Variants in LRP1B observed in about 807,000 individuals in gnomAD.
LRP1B encodes LDL receptor related protein 1B, also known as low-density lipoprotein receptor-related protein 1B.
In LRP1B, 217 loss-of-function variants were observed where a neutral mutation model predicts 556.6. The observed-to-expected ratio is 0.39, with a 90% CI of 0.35 to 0.44. LRP1B has a LOEUF of 0.44. LRP1B is among the 20% of genes least tolerant of loss of function. LRP1B has a pLI of 1.00. For synonymous variants in LRP1B, 2,047 were observed against 1,865.8 expected (o/e 1.10, Z -2.50); for missense variants, 5,053 against 5,620.8 (o/e 0.90, Z 3.23).
At chr2:140,996,118 A>G (rs887295555) in intron 15 of LRP1B, among the ~76,000 whole-genome samples, 2 of 151,986 alleles carry the variant, frequency 1.3e-5, no homozygotes, top group African/African-American at 2.4e-5. Context: ...GCTAGCTTGC[A>G]ATCAGGGTAA....
At chr2:140,703,079 T>C (rs1022432522) in intron 37 of LRP1B, among the ~76,000 whole-genome samples, 1 of 152,178 alleles carries the variant, frequency 6.6e-6, no homozygotes, top group African/African-American at 2.4e-5. Flanking sequence ...TAATTAGAAA[T>C]TTTGTGGTAA....
At chr2:141,456,256 G>T (rs906346290) in intron 3 of LRP1B, among the ~76,000 whole-genome samples, 1 of 152,140 alleles carries the variant, frequency 6.6e-6, no homozygotes. Context: ...CCAGATCGAT[G>T]TTACTTCACC....
chr2:140,943,754 TG>T (rs1331102224), intron 20 of LRP1B, among the ~76,000 whole-genome samples: 1 of 152,046 alleles, frequency 6.6e-6, no homozygotes, highest in Non-Finnish European at 1.5e-5. Flanking sequence ...CTAAAACCTC[TG>T]GGATTTGACA....
chr2:141,598,400 T>C (rs1475126896), intron 2 of LRP1B, among the ~76,000 whole-genome samples: 1 of 152,136 alleles, frequency 6.6e-6, no homozygotes, highest in Non-Finnish European at 1.5e-5. Flanking sequence ...AGGTTGATTA[T>C]TTTAGAGCTT....
chr2:141,405,785 T>A lies in LRP1B; in HGVS notation c.343+74611A>T, dbSNP rs1690611406. ...TTTTATCAAACATATGATAAAAATT[T>A]GGCATTTTGGATAAAACCAGTTTTT... is the stretch of plus-strand genomic sequence containing the variant. On this transcript the variant is annotated intron_variant, in intron 3 of 90. Coordinates refer to ENST00000389484, the MANE Select transcript of LRP1B (RefSeq NM_018557.3). Among the ~76,000 whole-genome samples the A allele has an allele frequency of 1.3e-5, 2 of 152,154 alleles. 1 individual carries two copies. Among genetic ancestry groups the A allele is most frequent in the South Asian group, 4.1e-4 (2 of 4,834 alleles).
intron 23 of LRP1B, among the ~76,000 whole-genome samples, chr2:140,888,980 A>AAAC (rs1366493977): frequency 6.7e-5 from 10 of 150,228 alleles, no homozygotes; most frequent in African/African-American, 2.4e-4. Context: ...AAAAAAAAAA[A>AAAC]CTTGAAATGA....
At chr2:140,650,644 C>T (rs921707111) in intron 41 of LRP1B, among the ~76,000 whole-genome samples, 4 of 152,078 alleles carry the variant, frequency 2.6e-5, no homozygotes, top group Admixed American at 6.6e-5. Flanking sequence ...CCACCATGCC[C>T]GGCCGACAGT....
chr2:140,631,639 G>A (rs763235050), intron 41 of LRP1B, among the ~76,000 whole-genome samples: 23 of 152,034 alleles, frequency 1.5e-4, no homozygotes, highest in Non-Finnish European at 2.8e-4. Context: ...AATAAAAAAC[G>A]AACAGAACAT....
chr2:142,081,469 T>G (rs1705713049), intron 1 of LRP1B, among the ~76,000 whole-genome samples: 2 of 151,956 alleles, frequency 1.3e-5, no homozygotes, highest in Non-Finnish European at 2.9e-5. Context: ...TATATACACA[T>G]TAAGCCATTC....
intron 41 of LRP1B, among the ~76,000 whole-genome samples, chr2:140,682,670 T>C (rs966440258): frequency 1.4e-5 from 1 of 72,028 alleles, no homozygotes; most frequent in Non-Finnish European, 2.7e-5. Context: ...AGCTTGAGAG[T>C]ATTGCGTGTG....
At chr2:140,604,118 AG>A (rs1338951629) in intron 41 of LRP1B, among the ~76,000 whole-genome samples, 2 of 152,062 alleles carry the variant, frequency 1.3e-5, no homozygotes, top group African/African-American at 4.8e-5. Flanking sequence ...TATTGAGCAG[AG>A]TAAATCAATA....
intron 3 of LRP1B, among the ~76,000 whole-genome samples, chr2:141,275,957 A>T (rs1163138538): frequency 1.3e-5 from 2 of 152,248 alleles, no homozygotes; most frequent in East Asian, 1.9e-4. Flanking sequence ...TTATTTCAAA[A>T]CTGATTAAGT....
At chr2:140,593,889 T>C (rs1050987832) in intron 43 of LRP1B, among the ~76,000 whole-genome samples, 7 of 152,280 alleles carry the variant, frequency 4.6e-5, no homozygotes, top group African/African-American at 1.7e-4. Flanking sequence ...TATATAATAT[T>C]TATATGATAA....
intron 2 of LRP1B, among the ~76,000 whole-genome samples, chr2:141,602,863 G>T (rs1687796934): frequency 1.3e-5 from 2 of 152,064 alleles, no homozygotes; most frequent in South Asian, 4.1e-4. Flanking sequence ...ATAACTAACT[G>T]GTTGATGTTA....
At chr2:140,648,312 T>C (rs545426575) in intron 41 of LRP1B, among the ~76,000 whole-genome samples, 1 of 152,044 alleles carries the variant, frequency 6.6e-6, no homozygotes, top group South Asian at 2.1e-4. Context: ...TGGGGAGGGA[T>C]AGCATTAGGA....
chr2:141,061,115 A>AT (rs1354267346), intron 8 of LRP1B, among the ~76,000 whole-genome samples: 5 of 151,698 alleles, frequency 3.3e-5, no homozygotes, highest in Non-Finnish European at 5.9e-5. Context: ...AGGAATCAAG[A>AT]TTTTTGGGGC....
intron 3 of LRP1B, among the ~76,000 whole-genome samples, chr2:141,335,964 T>C (rs1310086468): frequency 6.6e-6 from 1 of 152,194 alleles, no homozygotes; most frequent in Non-Finnish European, 1.5e-5. Context: ...CTAACACATA[T>C]GTTTTTACTT....
chr2:141,023,633 A>G (rs2105402580), intron 11 of LRP1B, among the ~76,000 whole-genome samples: 1 of 152,140 alleles, frequency 6.6e-6, no homozygotes, highest in Non-Finnish European at 1.5e-5. Context: ...TACTTAAAAT[A>G]TAATTGCCTC....
intron 7 of LRP1B, among the ~76,000 whole-genome samples, chr2:141,078,182 C>T (rs1373339235): frequency 3.3e-5 from 5 of 151,998 alleles, no homozygotes; most frequent in Admixed American, 1.3e-4. Flanking sequence ...TGTATTGAGG[C>T]CATTCTAAAT....
Sources: allele counts gnomAD v4.1 joint callset (sites outside exome capture counted in the v4.1 genomes callset), GRCh38; gene constraint gnomAD v4.1.1; transcripts MANE v1.5; gene names NCBI Gene and HGNC (gene_info 2026-07-23, HGNC 2026-07-21).